Variants in ZRANB3 observed in about 807,000 individuals in gnomAD.
ZRANB3 encodes DNA annealing helicase and endonuclease ZRANB3.
In ZRANB3, 125 loss-of-function variants were observed where a neutral mutation model predicts 133.8. The observed-to-expected ratio is 0.93, with a 90% CI of 0.81 to 1.08. ZRANB3 has a LOEUF of 1.08. Ranked by LOEUF, ZRANB3 falls within the 50% of genes least tolerant of loss-of-function variation. ZRANB3 has a pLI of 0.00. For synonymous variants in ZRANB3, 387 were observed against 432.7 expected (o/e 0.89, Z 1.31); for missense variants, 1,229 against 1,275.5 (o/e 0.96, Z 0.56).
At chr2:135,513,977 T>G (rs1446121858) in intron 1 of ZRANB3, among the ~76,000 whole-genome samples, 1 of 152,198 alleles carries the variant, frequency 6.6e-6, no homozygotes, top group Non-Finnish European at 1.5e-5. Context: ...AGGCCTCTGT[T>G]CTGATCCATT....
intron 9 of ZRANB3, among the ~76,000 whole-genome samples, chr2:135,275,373 G>A (rs1200114614): frequency 2.2e-5 from 3 of 138,716 alleles, no homozygotes; most frequent in South Asian, 2.3e-4. Context: ...CAGATGGGGC[G>A]GCTGGCATGG....
In ZRANB3 at chr2:135,341,743, G is replaced by A. The variant is rs114494124; in HGVS notation, c.677+3807C>T. On this transcript the variant is annotated intron_variant, in intron 6 of 20. Transcript: ENST00000264159. Reference sequence around the variant, plus strand: ...ATGCATTCCCAGGGCAGGGCGGGGGGCCTCTAAAATGGCCGCTCTGGGAGT... The same window carrying A: ...ATGCATTCCCAGGGCAGGGCGGGGGACCTCTAAAATGGCCGCTCTGGGAGT... 7.8e-3 allele frequency among the ~76,000 whole-genome samples: 1,172 copies of A among 149,992 alleles called. 127 individuals are homozygous for A. Among genetic ancestry groups the A allele is most frequent in the African/African-American group, 0.028 (1,099 of 39,356 alleles).
At position 135,382,405 on chromosome 2, in the gene ZRANB3, T is replaced by A. The variant is rs560937138; in HGVS notation, c.180+8397A>T. ...AAGTGACGGGGCGAATGGAACCAAG[T>A]TGGAAAACACTCTGCAGGATATTAT... On this transcript the variant is annotated intron_variant, in intron 3 of 20. Coordinates refer to ENST00000264159, the MANE Select transcript of ZRANB3 (RefSeq NM_032143.4). Among the ~76,000 whole-genome samples the A allele has an allele frequency of 9.6e-4, 146 of 152,256 alleles. 1 individual carries two copies. The highest frequency in any genetic ancestry group is 2.2e-3 in the Admixed American group (33 of 15,274).
At chr2:135,395,805 A>C (rs187706619) in intron 2 of ZRANB3, among the ~76,000 whole-genome samples, 28 of 152,278 alleles carry the variant, frequency 1.8e-4, no homozygotes, top group Admixed American at 1.7e-3. Flanking sequence ...GCAACCAAAT[A>C]AAATGGACAA....
chr2:135,366,502 G>A (rs1283609387), intron 3 of ZRANB3, among the ~76,000 whole-genome samples: 1 of 152,004 alleles, frequency 6.6e-6, no homozygotes. Flanking sequence ...CATAAAGGAA[G>A]GCCACTGAAT....
chr2:135,224,462 T>C lies in ZRANB3; in HGVS notation c.2214A>G (p.Ala738=). 1.2e-6 allele frequency: 2 copies of C among 1,613,480 alleles called. No individual in the cohort carries two copies. The highest frequency in any genetic ancestry group is 1.7e-6 in the Non-Finnish European group (2 of 1,179,598). ...TGTGAATCCGGTCAGTATTCCTACTTGCACAGAACATTAAGGTGTCATACA... is the reference window on the plus strand; with the variant it reads ...TGTGAATCCGGTCAGTATTCCTACTCGCACAGAACATTAAGGTGTCATACA... ...LPVYDTLMFC[A]SRNTDRIHIY... The change falls in exon 15 of 21, where the codon GCA becomes GCG. Residue 738 remains alanine, a synonymous_variant. Coordinates refer to ENST00000264159, the MANE Select transcript of ZRANB3 (RefSeq NM_032143.4).
At chr2:135,414,623 C>CT (rs1688467386) in intron 2 of ZRANB3, among the ~76,000 whole-genome samples, 1 of 152,142 alleles carries the variant, frequency 6.6e-6, no homozygotes, top group African/African-American at 2.4e-5. Flanking sequence ...AGCTACAGAA[C>CT]TCTCCATCCC....
chr2:135,384,927 C>A (rs1164889079), intron 3 of ZRANB3, among the ~76,000 whole-genome samples: 1 of 152,158 alleles, frequency 6.6e-6, no homozygotes, highest in Non-Finnish European at 1.5e-5. Context: ...CCTTTGAAAG[C>A]TGGCACAAGA....
intron 15 of ZRANB3, among the ~76,000 whole-genome samples, chr2:135,219,793 T>A (rs1213339429): frequency 1.3e-5 from 2 of 152,190 alleles, no homozygotes; most frequent in African/African-American, 4.8e-5. Context: ...ATGAGGACTG[T>A]CTGCCAATGG....
chr2:135,458,846 C>T (rs1022726396), intron 2 of ZRANB3, among the ~76,000 whole-genome samples: 1 of 152,064 alleles, frequency 6.6e-6, no homozygotes, highest in Non-Finnish European at 1.5e-5. Context: ...ACCTTACATA[C>T]ATTACTTTGA....
At chr2:135,351,228 C>T (rs1167208065) in intron 4 of ZRANB3, among the ~76,000 whole-genome samples, 1 of 150,954 alleles carries the variant, frequency 6.6e-6, no homozygotes, top group Non-Finnish European at 1.5e-5. Flanking sequence ...ATTTTAAGCC[C>T]TGGATTAATC....
chr2:135,522,390 T>C (rs1313525321), intron 1 of ZRANB3, among the ~76,000 whole-genome samples: 1 of 152,220 alleles, frequency 6.6e-6, no homozygotes, highest in Non-Finnish European at 1.5e-5. Flanking sequence ...TTTTAAACTC[T>C]TATTCTGTCT....
chr2:135,391,574 A>C (rs189451578), intron 2 of ZRANB3, among the ~76,000 whole-genome samples: 25 of 149,938 alleles, frequency 1.7e-4, no homozygotes, highest in Admixed American at 2.7e-4. Context: ...ATGAGTTTTT[A>C]TTTCTTTCTT....
At position 135,200,303 on chromosome 2, in the gene ZRANB3, A is replaced by G. The variant is rs555443274; in HGVS notation, c.*39T>C. 427 of 1,505,952 alleles carry G rather than the reference A, an allele frequency of 2.8e-4. 3 individuals carry two copies. In the South Asian group the frequency reaches 4.7e-3, roughly 17 times the overall value. The allele number at this position is 1,505,952 out of a possible 1,614,324, so 93.3% of individuals were successfully genotyped here. A position where few individuals can be genotyped will look rare whatever the true frequency, so the allele number is the denominator to read the frequency against. Reference sequence around the variant, plus strand: ...AAACTTCTGTATTAAAGTCTTCCACATGTAAACCATTTGTCATTCATTCAT... The same window carrying G: ...AAACTTCTGTATTAAAGTCTTCCACGTGTAAACCATTTGTCATTCATTCAT... On this transcript the variant is annotated 3_prime_UTR_variant, in exon 21 of 21. Coordinates refer to ENST00000264159, the MANE Select transcript of ZRANB3 (RefSeq NM_032143.4).
intron 2 of ZRANB3, among the ~76,000 whole-genome samples, chr2:135,434,020 G>A (rs1280742012): frequency 6.6e-6 from 1 of 151,964 alleles, no homozygotes; most frequent in Admixed American, 6.6e-5. Context: ...AAATTAGCCA[G>A]TTGTGGTGGT....
chr2:135,367,544 C>G (rs1420368181), intron 3 of ZRANB3, among the ~76,000 whole-genome samples: 1 of 151,772 alleles, frequency 6.6e-6, no homozygotes, highest in Non-Finnish European at 1.5e-5. Flanking sequence ...GAGAGAAAAC[C>G]AAAAATCACA....
At position 135,418,925 on chromosome 2, in the gene ZRANB3, C is replaced by CTCTTT. The variant is rs60788576; in HGVS notation, c.162-28106_162-28105insAAAGA. 1.8e-3 allele frequency among the ~76,000 whole-genome samples: 151 copies of CTCTTT among 85,924 alleles called. 5 individuals carry two copies. Among genetic ancestry groups the CTCTTT allele is most frequent in the Middle Eastern group, 0.018 (2 of 110 alleles). 56.4% of individuals were successfully genotyped at this position (85,924 alleles called of 152,430 possible). A position where few individuals can be genotyped will look rare whatever the true frequency, so the allele number is the denominator to read the frequency against. On this transcript the variant is annotated intron_variant, in intron 2 of 20. Coordinates refer to ENST00000264159, the MANE Select transcript of ZRANB3 (RefSeq NM_032143.4). The stretch of plus-strand genomic sequence containing the variant: ...AAGTAATGAAAAATAAGGATTCTCT[C>CTCTTT]TTTTTTTTTTTTTTTTTTTTTTTTT...
At chr2:135,350,658 C>T (rs911464387) in intron 4 of ZRANB3, among the ~76,000 whole-genome samples, 3 of 152,280 alleles carry the variant, frequency 2.0e-5, no homozygotes, top group Non-Finnish European at 2.9e-5. Context: ...AACAGGCCCT[C>T]CTGCTCAAAA....
intron 3 of ZRANB3, among the ~76,000 whole-genome samples, chr2:135,384,547 G>C (rs1686872825): frequency 6.6e-6 from 1 of 152,122 alleles, no homozygotes; most frequent in Admixed American, 6.5e-5. Flanking sequence ...CAAGAAAAGA[G>C]AATTCTAGAC....
Sources: allele counts gnomAD v4.1 joint callset (sites outside exome capture counted in the v4.1 genomes callset), GRCh38; gene constraint gnomAD v4.1.1; transcripts MANE v1.5; gene names NCBI Gene and HGNC (gene_info 2026-07-23, HGNC 2026-07-21).